Variants in GRTP1 observed in about 807,000 individuals in gnomAD.
GRTP1 encodes the protein growth hormone-regulated TBC protein 1.
GRTP1 carries 56 observed loss-of-function variants against 38.1 expected under a neutral mutation model. The observed-to-expected ratio is 1.47, with a 90% CI of 1.19 to 1.84. GRTP1 has a LOEUF of 1.84. Among genes scored for constraint, GRTP1 ranks in the 40% most tolerant of loss-of-function variants. The pLI, the probability that GRTP1 is intolerant of heterozygous loss-of-function variation, is 0.00. For missense variants in GRTP1, 506 were observed against 453.9 expected, an observed-to-expected ratio of 1.11 and a Z score of -1.04; for synonymous variants, 217 against 189.5, an observed-to-expected ratio of 1.14 and a Z score of -1.19.
rs367749619 is a variant in GRTP1, at chr13:113,326,000, C to T, written c.654G>A (p.Leu218=). The T allele has an allele frequency of 3.1e-6, 5 of 1,613,710 alleles. No individual in the cohort carries two copies. Among genetic ancestry groups the T allele is most frequent in the Non-Finnish European group, 4.2e-6 (5 of 1,179,940 alleles). Residue 218 remains leucine, a synonymous_variant, in exon 6 of 8, where the codon CTG becomes CTA. Coordinates refer to ENST00000375431, the MANE Select transcript of GRTP1 (RefSeq NM_024719.4). ...VRAKLPAVGA[L]MERLGVLWTL... is the part of the protein sequence containing the mutation. ...TCCACAGCACACCGAGACGCTCCAT[C>T]AGGGCCCCCACAGCCGGCAGCTTCG... is the stretch of plus-strand genomic sequence containing the variant.
rs1256434791 is a variant in GRTP1 at position 113,346,064 on chromosome 13, ACC to A, written c.466-1107_466-1106del. Among the ~76,000 whole-genome samples, 212 of 75,984 alleles carry A rather than the reference ACC, an allele frequency of 2.8e-3. 1 individual carries two copies. Among genetic ancestry groups the A allele is most frequent in the Non-Finnish European group, 4.6e-3 (177 of 38,336 alleles). The allele number at this position is 75,984 out of a possible 152,430, so 49.8% of individuals were successfully genotyped here. A position where few individuals can be genotyped will look rare whatever the true frequency, so the allele number is the denominator to read the frequency against. On this transcript the variant is annotated intron_variant, in intron 4 of 7. Transcript: ENST00000375431. The stretch of plus-strand genomic sequence containing the variant: ...TGTGGCCGAGAGCAGACCCGGGAGG[ACC>A]TCTGCGGCTGAGCAGACCTGGGAAG...
Position 113,326,030 on chromosome 13 carries a change from C to T in GRTP1, c.624G>A (p.Val208=), listed in dbSNP as rs531013614. 1.6e-4 allele frequency: 251 copies of T among 1,613,422 alleles called. 1 individual carries two copies. In the South Asian group the frequency reaches 2.4e-3, roughly 15 times the overall value. ...KTDQEVLGEL[V]RAKLPAVGAL... is the part of the protein sequence containing the mutation. ...CCCCCACAGCCGGCAGCTTCGCCCG[C>T]ACCAGCTCCCCGAGGACCTCCTGGT... Residue 208 remains valine (V), a synonymous_variant, in exon 6 of 8, where the codon GTG becomes GTA. Transcript: ENST00000375431.
At chr13:113,345,266 G>T (rs1364073948) in intron 4 of GRTP1, among the ~76,000 whole-genome samples, 1 of 152,232 alleles carries the variant, frequency 6.6e-6, no homozygotes, top group African/African-American at 2.4e-5. Context: ...ACTTACCATT[G>T]CTTTCTAAAG....
At chr13:113,337,102 TGG>T (rs569544189) in intron 5 of GRTP1, among the ~76,000 whole-genome samples, 18 of 151,644 alleles carry the variant, frequency 1.2e-4, no homozygotes, top group Non-Finnish European at 2.4e-4. Context: ...GAGACCAGCC[TGG>T]GCAATTCAAG....
rs12860214 is a variant in GRTP1, at chr13:113,347,589, T to A, written c.466-2630A>T. Among the ~76,000 whole-genome samples the A allele has an allele frequency of 1.9e-3, 66 of 34,234 alleles. 3 individuals carry two copies. Among genetic ancestry groups the A allele is most frequent in the African/African-American group, 7.6e-3 (55 of 7,222 alleles). The allele number at this position is 34,234 out of a possible 152,430, so 22.5% of individuals were successfully genotyped here. A position where few individuals can be genotyped will look rare whatever the true frequency, so the allele number is the denominator to read the frequency against. On this transcript the variant is annotated intron_variant, in intron 4 of 7. Coordinates refer to ENST00000375431, the MANE Select transcript of GRTP1 (RefSeq NM_024719.4). ...GCAGACCCAGGAGGACCTCTGTGGC[T>A]GAGAACAGACCCGGGAGGACCTCTG... is the stretch of plus-strand genomic sequence containing the variant.
chr13:113,347,897 C>G (rs560171534), intron 4 of GRTP1, among the ~76,000 whole-genome samples: 4 of 145,512 alleles, frequency 2.7e-5, no homozygotes, highest in Middle Eastern at 7.9e-3. Flanking sequence ...AGAGCAGACC[C>G]GGGAGGACCT....
At chr13:113,356,366 C>T (rs112278353) in intron 2 of GRTP1, among the ~76,000 whole-genome samples, 22,057 of 151,990 alleles carry the variant, frequency 0.15, 1,769 homozygotes, top group African/African-American at 0.19. Context: ...CTCCCAGGTT[C>T]AAGCAATTCT....
In GRTP1 at chr13:113,324,378, T is replaced by TA; in HGVS notation, c.*109_*110insT. The TA allele has an allele frequency of 7.3e-7, 1 of 1,375,086 alleles. No homozygotes were observed. The highest frequency in any genetic ancestry group is 1.8e-5 in the South Asian group (1 of 56,406). The allele number at this position is 1,375,086 out of a possible 1,614,324, so 85.2% of individuals were successfully genotyped here. On this transcript the variant is annotated 3_prime_UTR_variant, in exon 8 of 8. Coordinates refer to ENST00000375431, the MANE Select transcript of GRTP1 (RefSeq NM_024719.4). ...AAAATTCACAACTAAAGTGTAGTGATGTCAAGTATTTACAACACTAAAAAG... is the reference window on the plus strand; with the variant it reads ...AAAATTCACAACTAAAGTGTAGTGATAGTCAAGTATTTACAACACTAAAAAG...
At chr13:113,327,737 T>C (rs1302477463) in intron 5 of GRTP1, among the ~76,000 whole-genome samples, 2 of 152,238 alleles carry the variant, frequency 1.3e-5, no homozygotes, top group Non-Finnish European at 2.9e-5. Flanking sequence ...CCTTCTTAGC[T>C]GAGCACATAC....
In GRTP1 at chr13:113,356,276, T is replaced by C. The variant is rs539546795; in HGVS notation, c.182-795A>G. On this transcript the variant is annotated intron_variant, in intron 2 of 7. Transcript: ENST00000375431. ...ATATATATTTTATTTTATTTTATTT[T>C]ATTTTTTTCGAGACGGAGTCTTGTT... Among the ~76,000 whole-genome samples, 25 of 152,276 alleles carry C rather than the reference T, an allele frequency of 1.6e-4. No individual in the cohort carries two copies. The South Asian group carries it at 3.5e-3, about 21-fold the overall frequency.
At chr13:113,358,135 T>C (rs2043429597) in intron 2 of GRTP1, among the ~76,000 whole-genome samples, 1 of 152,066 alleles carries the variant, frequency 6.6e-6, no homozygotes, top group Non-Finnish European at 1.5e-5. Flanking sequence ...TGAGCTGAGA[T>C]TGCACCACTG....
In GRTP1 at chr13:113,348,024, CTG is replaced by C. The variant is rs2043199495; in HGVS notation, c.465+2823_465+2824del. On this transcript the variant is annotated intron_variant, in intron 4 of 7. Coordinates refer to ENST00000375431, the MANE Select transcript of GRTP1 (RefSeq NM_024719.4). The surrounding 1 kb of genome is among the most constrained non-coding windows in gnomAD (Gnocchi z 4.8). ...TGTGGCTGAGCGGACCTGGGAGGAC[CTG>C]TCTGGCCGAGTGGACCCGGGAGGAT... 2.6e-5 allele frequency among the ~76,000 whole-genome samples: 4 copies of C among 152,160 alleles called. No homozygotes were observed. Among genetic ancestry groups the C allele is most frequent in the African/African-American group, 9.6e-5 (4 of 41,492 alleles).
intron 2 of GRTP1, chr13:113,361,684 C>T (rs1440451881): frequency 1.3e-5 from 2 of 152,166 alleles, no homozygotes; most frequent in African/African-American, 2.4e-5. Context: ...AGGACAGTCC[C>T]CTGCGGTCAT....
At chr13:113,334,280 A>ACTGCCCCCCCCCCCCCCCCCCCTTC (rs1202504022) in intron 5 of GRTP1, among the ~76,000 whole-genome samples, 1 of 142,484 alleles carries the variant, frequency 7.0e-6, no homozygotes, top group Non-Finnish European at 1.5e-5. Flanking sequence ...CACTGCCACG[A>ACTGCCCCCCCCCCCCCCCCCCCTTC]CAGCCTCCCG....
In GRTP1 at chr13:113,343,250, T is replaced by C. The variant is rs2043050296; in HGVS notation, c.562+1613A>G. 6.6e-6 allele frequency among the ~76,000 whole-genome samples: 1 copy of C among 152,118 alleles called. No homozygotes were observed. Among genetic ancestry groups the C allele is most frequent in the Admixed American group, 6.5e-5 (1 of 15,268 alleles). ...ACTCCATCTGCCTCTAATTTCACCA[T>C]TCCACCTGGTCCAGGTGTTCACCGA... On this transcript the variant is annotated intron_variant, in intron 5 of 7. Transcript: ENST00000375431. This position sits in a 1 kb window ranked among gnomAD's most constrained non-coding sequence, Gnocchi z 4.8.
chr13:113,326,699 G>A (rs1188826467), intron 5 of GRTP1, among the ~76,000 whole-genome samples: 3 of 152,044 alleles, frequency 2.0e-5, no homozygotes, highest in Non-Finnish European at 4.4e-5. Flanking sequence ...AAATCTGCAG[G>A]TGGAAAAGAG....
chr13:113,347,453 C>T (rs1187728703), intron 4 of GRTP1, among the ~76,000 whole-genome samples: 12 of 102,198 alleles, frequency 1.2e-4, no homozygotes, highest in East Asian at 4.9e-4. Flanking sequence ...AGAGCAGACC[C>T]AGGAGGATCT....
chr13:113,332,323 T>TACACACGTGCACACACACACC (rs1566417145), intron 5 of GRTP1, among the ~76,000 whole-genome samples: 16 of 13,902 alleles, frequency 1.2e-3, no homozygotes, highest in South Asian at 2.8e-3. Context: ...CACACACAGG[T>TACACACGTGCACACACACACC]ACACACGTGC....
At position 113,325,219 on chromosome 13, in the gene GRTP1, C is replaced by T. The variant is rs2042741791; in HGVS notation, c.921+442G>A. 3.4e-5 allele frequency: 39 copies of T among 1,147,072 alleles called. 2 individuals carry two copies. In the South Asian group the frequency reaches 1.2e-3, roughly 34 times the overall value. 71.1% of individuals were successfully genotyped at this position (1,147,072 alleles called of 1,614,324 possible). ...CCCAGAGTGGCCCCGAGCCTCCACT[C>T]CCTCTTAGGAAACTACTGACTCCCA... On this transcript the variant is annotated intron_variant, in intron 7 of 7. Transcript: ENST00000375431.
Sources: allele counts gnomAD v4.1 joint callset (sites outside exome capture counted in the v4.1 genomes callset), GRCh38; gene constraint gnomAD v4.1.1; non-coding constraint Gnocchi (gnomAD v3.1); transcripts MANE v1.5; gene names NCBI Gene and HGNC (gene_info 2026-07-23, HGNC 2026-07-21).